The following MAGI3 variants were observed in gnomAD, a reference collection of about 807,000 sequenced individuals.
MAGI3 encodes the protein membrane associated guanylate kinase, WW and PDZ domain containing 3.
A neutral mutation model predicts 121.8 loss-of-function variants in MAGI3; 43 were observed. The observed-to-expected ratio is 0.35, with a 90% CI of 0.28 to 0.46. The LOEUF is 0.46. Ranked by LOEUF, MAGI3 falls within the 20% of genes least tolerant of loss-of-function variation. The probability of loss-of-function intolerance (pLI) is 1.00; values close to 1 mark genes in which losing one functional copy is unlikely to be tolerated. For synonymous variants in MAGI3, 553 were observed against 639.3 expected (o/e 0.86, Z 2.04); for missense variants, 1,547 against 1,797.3 (o/e 0.86, Z 2.52).
rs764924315 is a variant in MAGI3, at chr1:113,672,766, G to A, written c.3045+25G>A. On this transcript the variant is annotated intron_variant, in intron 18 of 20. Transcript: ENST00000307546. The stretch of plus-strand genomic sequence containing the variant: ...GGTAAACAAACATTTCCCCAGATGG[G>A]GAGTGATATTTTGAGTTGCCATACC... The A allele has an allele frequency of 2.4e-5, 39 of 1,592,460 alleles. No homozygotes were observed. The African/African-American group carries it at 4.6e-4, about 19-fold the overall frequency.
rs199771707 is a variant in MAGI3, at chr1:113,590,583, G to C, written c.863G>C (p.Arg288Thr). Residue 288 changes from arginine (R) to threonine (T), a missense_variant, in exon 5 of 21, where the codon AGA becomes ACA. Physicochemically the swap from Arg to Thr is moderately conservative, Grantham distance 71. Transcript: ENST00000307546. ...SSMDFRNYMMRDETLEPLPKN... is the reference protein window; with the variant it reads ...SSMDFRNYMMTDETLEPLPKN... ...ATGGACTTTAGAAATTATATGATGA[G>C]AGATGAGACTCTGGAACCACTGCCC... The C allele has an allele frequency of 1.9e-6, 3 of 1,613,690 alleles. No homozygotes were observed. Among genetic ancestry groups the C allele is most frequent in the Non-Finnish European group, 2.5e-6 (3 of 1,179,678 alleles).
At chr1:113,437,870 T>TTCC (rs1267385304) in intron 1 of MAGI3, among the ~76,000 whole-genome samples, 236 of 18,474 alleles carry the variant, frequency 0.013, 2 homozygotes, top group Middle Eastern at 0.077. Context: ...CTTCCTCTTC[T>TTCC]TCTTCTTCTC....
intron 6 of MAGI3, among the ~76,000 whole-genome samples, chr1:113,603,640 TA>T (rs1649547638): frequency 6.6e-6 from 1 of 151,856 alleles, no homozygotes; most frequent in Non-Finnish European, 1.5e-5. Flanking sequence ...GCGACCTAAT[TA>T]AACAAAAAAG....
intron 7 of MAGI3, among the ~76,000 whole-genome samples, chr1:113,616,330 C>T (rs1237792700): frequency 2.0e-5 from 3 of 152,176 alleles, no homozygotes; most frequent in African/African-American, 7.2e-5. Context: ...ACTCAAGATG[C>T]ACATTAGTAT....
intron 1 of MAGI3, among the ~76,000 whole-genome samples, chr1:113,476,450 T>A (rs1234898847): frequency 6.6e-6 from 1 of 152,232 alleles, no homozygotes; most frequent in African/African-American, 2.4e-5. Context: ...TCAAAGAACA[T>A]CTTTCTTTCT....
In MAGI3 at chr1:113,516,390, CAAAAAAAAAAAAAA is replaced by C. The variant is rs60186333; in HGVS notation, c.317-33114_317-33101del. 7.0e-5 allele frequency among the ~76,000 whole-genome samples: 5 copies of C among 71,004 alleles called. No homozygotes were observed. The South Asian group carries it at 2.9e-3, about 42-fold the overall frequency. The allele number at this position is 71,004 out of a possible 152,430, so 46.6% of individuals were successfully genotyped here. On this transcript the variant is annotated intron_variant, in intron 1 of 20. Coordinates refer to ENST00000307546, the MANE Select transcript of MAGI3 (RefSeq NM_001142782.2). ...GTGCCAGAAACTAAGGAAGTTCTCA[CAAAAAAAAAAAAAA>C]AAAAAAAAAAGACAAAAATCCCCCA...
intron 1 of MAGI3, among the ~76,000 whole-genome samples, chr1:113,402,049 G>A (rs1381398005): frequency 2.0e-5 from 3 of 152,306 alleles, no homozygotes; most frequent in Non-Finnish European, 4.4e-5. Flanking sequence ...GCTTAGCAAT[G>A]GCAGAAGTCA....
intron 2 of MAGI3, among the ~76,000 whole-genome samples, chr1:113,577,720 T>A (rs1195293843): frequency 6.6e-6 from 1 of 152,082 alleles, no homozygotes; most frequent in Non-Finnish European, 1.5e-5. Context: ...TATCTGTCCA[T>A]GAAAAGAATC....
rs899274748 is a variant in MAGI3, at chr1:113,390,864, T to G, written c.-170T>G. ...GGGCGTCCAAGGGGCGTCTCGCGTC[T>G]GGGAACGGCCGGGCCCCCAGCGGGC... is the stretch of plus-strand genomic sequence containing the variant. On this transcript the variant is annotated 5_prime_UTR_variant, in exon 1 of 21. Transcript: ENST00000307546. 1.1e-4 allele frequency: 37 copies of G among 329,730 alleles called. No homozygotes were observed. Among genetic ancestry groups the G allele is most frequent in the Non-Finnish European group, 1.8e-4 (35 of 195,822 alleles). The allele number at this position is 329,730 out of a possible 1,614,324, so 20.4% of individuals were successfully genotyped here.
chr1:113,541,502 G>A (rs1387081888), intron 1 of MAGI3, among the ~76,000 whole-genome samples: 2 of 152,160 alleles, frequency 1.3e-5, no homozygotes, highest in African/African-American at 2.4e-5. Flanking sequence ...TTTCACACTT[G>A]GGACTGGAGA....
chr1:113,593,857 A>T (rs935107556), intron 5 of MAGI3, among the ~76,000 whole-genome samples: 1 of 152,178 alleles, frequency 6.6e-6, no homozygotes. Context: ...TCCTGTGTGG[A>T]TCATGCTGAT....
chr1:113,641,036 A>AT (rs1652457418), intron 9 of MAGI3, among the ~76,000 whole-genome samples: 1 of 130,170 alleles, frequency 7.7e-6, no homozygotes, highest in African/African-American at 2.9e-5. Context: ...TATATGATAT[A>AT]TATAATATAT....
chr1:113,473,003 C>T (rs1000452849), intron 1 of MAGI3, among the ~76,000 whole-genome samples: 5 of 152,230 alleles, frequency 3.3e-5, no homozygotes, highest in South Asian at 2.1e-4. Flanking sequence ...ACCACTATTA[C>T]GGTATTAGCA....
At chr1:113,588,373 GATGGAAGGCAATAGAATAGA>G in intron 4 of MAGI3, among the ~76,000 whole-genome samples, 1 of 152,178 alleles carries the variant, frequency 6.6e-6, no homozygotes, top group South Asian at 2.1e-4. Flanking sequence ...GGAGCAGAGT[GATGGAAGGCAATAGAATAGA>G]ATAGTAACCA....
At chr1:113,674,419 G>T (rs1176428838) in intron 19 of MAGI3, among the ~76,000 whole-genome samples, 1 of 147,502 alleles carries the variant, frequency 6.8e-6, no homozygotes, top group Admixed American at 6.8e-5. Context: ...GACATTTGCT[G>T]TCTTCAATTT....
intron 9 of MAGI3, among the ~76,000 whole-genome samples, chr1:113,641,510 T>C (rs1652530892): frequency 1.3e-5 from 2 of 152,022 alleles, no homozygotes; most frequent in Admixed American, 1.3e-4. Context: ...ATTCAAAAAA[T>C]ATAATACAGT....
intron 1 of MAGI3, among the ~76,000 whole-genome samples, chr1:113,436,811 C>CTTTTT (rs1026496354): frequency 8.9e-5 from 11 of 124,132 alleles, no homozygotes; most frequent in Non-Finnish European, 1.4e-4. Flanking sequence ...TAAAGACAGT[C>CTTTTT]TTTTTTTTTT....
At chr1:113,464,176 C>G (rs1360625336) in intron 1 of MAGI3, among the ~76,000 whole-genome samples, 1 of 152,054 alleles carries the variant, frequency 6.6e-6, no homozygotes, top group Non-Finnish European at 1.5e-5. Context: ...TTCCTGGCCT[C>G]TGTTAACCAC....
intron 1 of MAGI3, among the ~76,000 whole-genome samples, chr1:113,521,795 A>G (rs1023784611): frequency 2.0e-5 from 3 of 152,206 alleles, no homozygotes; most frequent in Non-Finnish European, 2.9e-5. Context: ...ATCAATTATC[A>G]TAATTTCCTG....
Sources: gnomAD v4.1 joint callset for allele counts (sites outside exome capture counted in the v4.1 genomes callset) on GRCh38, gnomAD v4.1.1 for gene constraint, MANE v1.5 for transcripts, NCBI Gene and HGNC (gene_info 2026-07-23, HGNC 2026-07-21) for gene names.